Variants in TEX9 observed in about 807,000 individuals in gnomAD.
TEX9 encodes testis expressed 9.
A neutral mutation model predicts 59.6 loss-of-function variants in TEX9; 74 were observed. The observed-to-expected ratio is 1.24, with a 90% CI of 1.03 to 1.51. The LOEUF is 1.51. Ranked by LOEUF, TEX9 falls within the 40% of genes most tolerant of loss-of-function variation. The probability of loss-of-function intolerance (pLI) is 0.00; values close to 1 mark genes in which losing one functional copy is unlikely to be tolerated. For missense variants in TEX9, 522 were observed against 447.8 expected (o/e 1.17, Z -1.49); for synonymous variants, 186 against 152.2 (o/e 1.22, Z -1.64).
chr15:56,439,147 G>A (rs1262272472), intron 12 of TEX9, among the ~76,000 whole-genome samples: 2 of 152,070 alleles, frequency 1.3e-5, no homozygotes, highest in Non-Finnish European at 2.9e-5. Context: ...CGAGTACACG[G>A]ACACCAAAAT....
In TEX9 at chr15:56,334,214, C is replaced by T. The variant is rs114505250; in HGVS notation, c.-106-39227C>T. Among the ~76,000 whole-genome samples, 1,514 of 152,138 alleles carry T rather than the reference C, an allele frequency of 1.0e-2. 28 individuals carry two copies. Among genetic ancestry groups the T allele is most frequent in the African/African-American group, 0.035 (1,451 of 41,510 alleles). ...TCAGAATGGCCAAAGCTATCCCAAG[C>T]AAATGAACAAAGCTAGAGGAACTAC... On this transcript the variant is annotated intron_variant, in intron 1 of 5. Coordinates refer to the TEX9 transcript ENST00000560827.
At chr15:56,344,813 A>T (rs1173585504) in intron 1 of TEX9, among the ~76,000 whole-genome samples, 12 of 152,014 alleles carry the variant, frequency 7.9e-5, no homozygotes, top group African/African-American at 2.7e-4. Flanking sequence ...TTCTTTTTTT[A>T]AAAAATTAAG....
rs181356025 is a variant in TEX9, at chr15:56,331,800, G to A, written c.-106-41641G>A. ...AAAAAACAAACAACCCCATCAAAAA[G>A]TGGGCGAAGGACATGAACAGACACT... On this transcript the variant is annotated intron_variant, in intron 1 of 5. Transcript: ENST00000560827. Among the ~76,000 whole-genome samples the A allele has an allele frequency of 5.7e-3, 869 of 151,596 alleles. 5 individuals carry two copies. Among genetic ancestry groups the A allele is most frequent in the African/African-American group, 0.02 (820 of 41,278 alleles).
chr15:56,361,341 C>G (rs992162301), upstream of TEX9, among the ~76,000 whole-genome samples: 7 of 152,164 alleles, frequency 4.6e-5, no homozygotes, highest in Non-Finnish European at 8.8e-5. Context: ...GCATTGAATG[C>G]TAAGCACTCC....
At chr15:56,267,279 C>A (rs2044408591) in intron 1 of TEX9, among the ~76,000 whole-genome samples, 1 of 152,128 alleles carries the variant, frequency 6.6e-6, no homozygotes, top group Non-Finnish European at 1.5e-5. Context: ...CTGTAGGTTG[C>A]CTGTTCACTC....
At chr15:56,437,455 G>C (rs909297841) in intron 12 of TEX9, among the ~76,000 whole-genome samples, 2 of 152,110 alleles carry the variant, frequency 1.3e-5, no homozygotes, top group Non-Finnish European at 2.9e-5. Context: ...AGGTGTTGAT[G>C]GGACATATCT....
chr15:56,315,487 CT>C (rs1385225180), intron 1 of TEX9, among the ~76,000 whole-genome samples: 1 of 150,286 alleles, frequency 6.7e-6, no homozygotes, highest in African/African-American at 2.4e-5. Context: ...CCCCCACTCT[CT>C]TCTGGCTTGT....
intron 1 of TEX9, among the ~76,000 whole-genome samples, chr15:56,345,225 A>G (rs2046448749): frequency 6.6e-6 from 1 of 151,862 alleles, no homozygotes; most frequent in African/African-American, 2.4e-5. Flanking sequence ...GGGGTGGGGA[A>G]AGGAATGAGG....
chr15:56,393,484 T>C (rs1380011360), intron 7 of TEX9, among the ~76,000 whole-genome samples: 1 of 152,190 alleles, frequency 6.6e-6, no homozygotes, highest in East Asian at 1.9e-4. Context: ...AATTCCATGA[T>C]GGTAAGGGTT....
At chr15:56,314,541 A>C (rs879013054) in intron 1 of TEX9, among the ~76,000 whole-genome samples, 1 of 149,534 alleles carries the variant, frequency 6.7e-6, no homozygotes. Context: ...CTGTTCTTTT[A>C]CATTTGCTGA....
chr15:56,394,822 T>C, exon 9 of TEX9: 1 of 1,608,110 alleles, frequency 6.2e-7, no homozygotes, highest in Non-Finnish European at 8.5e-7. Context: ...AACAGTTGTC[T>C]TCAGTAGAAA....
intron 1 of TEX9, among the ~76,000 whole-genome samples, chr15:56,317,922 A>G (rs1395386228): frequency 6.6e-6 from 1 of 152,126 alleles, no homozygotes; most frequent in East Asian, 1.9e-4. Context: ...TTTCTGGAAA[A>G]TATCTCATGG....
intron 9 of TEX9, among the ~76,000 whole-genome samples, chr15:56,409,510 A>AT (rs1319292487): frequency 6.6e-6 from 1 of 151,848 alleles, no homozygotes; most frequent in African/African-American, 2.4e-5. Flanking sequence ...TGATTATTTT[A>AT]TTTTTTTAGA....
downstream of TEX9, among the ~76,000 whole-genome samples, chr15:56,446,196 T>C (rs1296322585): frequency 1.3e-5 from 2 of 152,046 alleles, no homozygotes; most frequent in East Asian, 3.9e-4. Flanking sequence ...TATGTATGTG[T>C]ATATAAACAT....
Position 56,389,405 on chromosome 15 carries a change from A to C in TEX9, c.395+5A>C, listed in dbSNP as rs1398910855. ...AGGAAGGAAAACAAATTCAAGGTAT[A>C]GTATAGTTTTCAAAGTATTTCTTTT... On this transcript the variant is annotated splice_donor_5th_base_variant and intron_variant, in intron 6 of 12. Coordinates refer to ENST00000352903, the Ensembl canonical transcript of TEX9. The C allele has an allele frequency of 1.3e-6, 2 of 1,584,148 alleles. No homozygotes were observed. The highest frequency in any genetic ancestry group is 1.7e-6 in the Non-Finnish European group (2 of 1,157,330).
At chr15:56,259,346 A>G (rs534877571) in intron 1 of TEX9, among the ~76,000 whole-genome samples, 1 of 152,150 alleles carries the variant, frequency 6.6e-6, no homozygotes, top group East Asian at 1.9e-4. Flanking sequence ...CTGTCCCTTT[A>G]CAGAAAAAAT....
At chr15:56,322,050 G>T (rs1221819876) in intron 1 of TEX9, among the ~76,000 whole-genome samples, 2 of 152,012 alleles carry the variant, frequency 1.3e-5, no homozygotes, top group Non-Finnish European at 1.5e-5. Context: ...TAAGTATACA[G>T]CACAAACAGT....
chr15:56,411,123 T>G (rs1219336693), intron 9 of TEX9, among the ~76,000 whole-genome samples: 1 of 152,242 alleles, frequency 6.6e-6, no homozygotes, highest in Non-Finnish European at 1.5e-5. Flanking sequence ...CTCTATAATA[T>G]TTATTGAGTA....
intron 4 of TEX9, among the ~76,000 whole-genome samples, chr15:56,385,875 G>A (rs2047938074): frequency 6.6e-6 from 1 of 152,086 alleles, no homozygotes. Flanking sequence ...TTTGGCTCAT[G>A]TGAAATATTG....
Sources: allele counts gnomAD v4.1 joint callset (sites outside exome capture counted in the v4.1 genomes callset), GRCh38; gene constraint gnomAD v4.1.1; transcripts MANE v1.5; gene names NCBI Gene and HGNC (gene_info 2026-07-23, HGNC 2026-07-21).